The following SRGAP1 variants were observed in gnomAD, a reference collection of about 807,000 sequenced individuals.
SRGAP1 encodes the protein SLIT-ROBO Rho GTPase-activating protein 1.
In SRGAP1, 43 loss-of-function variants were observed where a neutral mutation model predicts 121.9. That is an observed-to-expected ratio of 0.35 (90% CI 0.28 to 0.46). The LOEUF (loss-of-function observed/expected upper bound fraction) is 0.46, where lower values mean the gene tolerates loss of function less well. SRGAP1 is among the 20% of genes least tolerant of loss of function. The probability of loss-of-function intolerance (pLI) is 1.00; values close to 1 mark genes in which losing one functional copy is unlikely to be tolerated. For synonymous variants in SRGAP1, 447 were observed against 485.4 expected (o/e 0.92, Z 1.04); for missense variants, 1,102 against 1,350.9 (o/e 0.82, Z 2.89).
In SRGAP1 at chr12:63,947,289, C is replaced by T. The variant is rs143204838; in HGVS notation, c.68-36658C>T. Among the ~76,000 whole-genome samples the T allele has an allele frequency of 2.9e-3, 445 of 152,294 alleles. 3 individuals are homozygous for T. Among genetic ancestry groups the T allele is most frequent in the African/African-American group, 0.01 (424 of 41,564 alleles). On this transcript the variant is annotated intron_variant, in intron 1 of 21. Coordinates refer to ENST00000355086, the MANE Select transcript of SRGAP1 (RefSeq NM_020762.4). ...GAGTTACATTTGCCTTACTTCATCA[C>T]CAACATTTGGTATTGTGGGTCTTAA...
chr12:64,039,679 A>G lies in SRGAP1; in HGVS notation c.490-3111A>G, dbSNP rs111987626. On this transcript the variant is annotated intron_variant, in intron 4 of 21. Transcript: ENST00000355086. ...TGTGTGTACACCCTCTCATTTTAAG[A>G]TATAACTGGAACCAAGACCCAAATA... Among the ~76,000 whole-genome samples, 359 of 69,528 alleles carry G rather than the reference A, an allele frequency of 5.2e-3. 2 individuals carry two copies. The highest frequency in any genetic ancestry group is 0.014 in the African/African-American group (338 of 23,452). 45.6% of individuals were successfully genotyped at this position (69,528 alleles called of 152,430 possible). A position where few individuals can be genotyped will look rare whatever the true frequency, so the allele number is the denominator to read the frequency against.
At chr12:63,990,846 GTCTT>G (rs990310924) in intron 3 of SRGAP1, among the ~76,000 whole-genome samples, 2 of 152,178 alleles carry the variant, frequency 1.3e-5, no homozygotes, top group African/African-American at 2.4e-5. Context: ...TGTTAGCACA[GTCTT>G]TCTTAGTTCA....
chr12:64,130,091 C>T (rs1215069160), intron 21 of SRGAP1, among the ~76,000 whole-genome samples: 2 of 152,174 alleles, frequency 1.3e-5, no homozygotes, highest in Admixed American at 6.5e-5. Context: ...ATTGTAGTTT[C>T]CCATTGACCT....
rs1337860866 is a variant in SRGAP1, at chr12:63,884,423, A to G, written c.67+39540A>G. 3.3e-5 allele frequency among the ~76,000 whole-genome samples: 5 copies of G among 152,266 alleles called. No homozygotes were observed. In the East Asian group the frequency reaches 9.7e-4, roughly 29 times the overall value. ...TTTTAAATTGATGCATTGTAGTTATACATATTTATTGGGTACAATTTGATG... is the reference window on the plus strand; with the variant it reads ...TTTTAAATTGATGCATTGTAGTTATGCATATTTATTGGGTACAATTTGATG... On this transcript the variant is annotated intron_variant, in intron 1 of 21. Coordinates refer to ENST00000355086, the MANE Select transcript of SRGAP1 (RefSeq NM_020762.4).
At chr12:64,006,147 A>G (rs2034075262) in intron 3 of SRGAP1, among the ~76,000 whole-genome samples, 1 of 152,202 alleles carries the variant, frequency 6.6e-6, no homozygotes, top group South Asian at 2.1e-4. Flanking sequence ...GTGACATTTA[A>G]TCAAGCTCTT....
chr12:63,973,355 T>C (rs748538242), intron 1 of SRGAP1, among the ~76,000 whole-genome samples: 1 of 152,194 alleles, frequency 6.6e-6, no homozygotes, highest in Non-Finnish European at 1.5e-5. Flanking sequence ...CATTGTAAGT[T>C]TGCATCGTAG....
At chr12:64,026,114 CA>C (rs2034648349) in intron 4 of SRGAP1, among the ~76,000 whole-genome samples, 1 of 151,548 alleles carries the variant, frequency 6.6e-6, no homozygotes, top group African/African-American at 2.4e-5. Context: ...ATATGAACCC[CA>C]ATGTAATTAT....
rs1019554401 is a variant in SRGAP1 at position 64,095,224 on chromosome 12, T to C, written c.1678+20T>C. 1 of 1,607,572 alleles carries C rather than the reference T, an allele frequency of 6.2e-7. No individual in the cohort carries two copies. On this transcript the variant is annotated intron_variant, in intron 14 of 21. Coordinates refer to ENST00000355086, the MANE Select transcript of SRGAP1 (RefSeq NM_020762.4). ...AGAGAGGTAATTGCACGTCTATCCC[T>C]ATAAGCAAACCACGTTGAAAAGTCA...
chr12:63,853,107 T>A (rs1899128949), intron 1 of SRGAP1, among the ~76,000 whole-genome samples: 1 of 151,336 alleles, frequency 6.6e-6, no homozygotes, highest in Admixed American at 6.6e-5. Context: ...GCAACCTCCG[T>A]TTCCTGGGTT....
At chr12:64,102,282 G>T (rs977351068) in intron 15 of SRGAP1, among the ~76,000 whole-genome samples, 1 of 152,180 alleles carries the variant, frequency 6.6e-6, no homozygotes, top group African/African-American at 2.4e-5. Context: ...TATCACTGTA[G>T]AAAAATTATA....
At chr12:64,042,102 G>A (rs1354522991) in intron 4 of SRGAP1, among the ~76,000 whole-genome samples, 2 of 151,680 alleles carry the variant, frequency 1.3e-5, no homozygotes, top group Non-Finnish European at 2.9e-5. Flanking sequence ...TCACCATGTT[G>A]GCCAGGCTAG....
At chr12:64,022,573 C>T (rs767420900) in intron 4 of SRGAP1, among the ~76,000 whole-genome samples, 7 of 152,094 alleles carry the variant, frequency 4.6e-5, no homozygotes, top group Non-Finnish European at 8.8e-5. Flanking sequence ...ATCTGGGCAC[C>T]CCACGGCCTA....
chr12:64,077,694 A>G (rs1283749092), intron 8 of SRGAP1, among the ~76,000 whole-genome samples: 5 of 152,090 alleles, frequency 3.3e-5, no homozygotes, highest in African/African-American at 9.6e-5. Context: ...AACATAAAGC[A>G]GTATCTTTAT....
intron 10 of SRGAP1, 176 bp downstream of exon 10, chr12:64,080,546 T>G (rs1195709795): frequency 1.4e-6 from 1 of 697,220 alleles, no homozygotes; most frequent in African/African-American, 1.8e-5. Flanking sequence ...GATTTTCTTC[T>G]AAAGCATGGT....
Position 64,148,929 on chromosome 12 carries a change from CATCTT to C in SRGAP1, c.*6259_*6263del, listed in dbSNP as rs2037090453. The C allele has an allele frequency of 1.3e-5, 2 of 152,138 alleles. No homozygotes were observed. The highest frequency in any genetic ancestry group is 1.9e-4 in the East Asian group (1 of 5,176). 9.4% of individuals were successfully genotyped at this position (152,138 alleles called of 1,614,324 possible). ...CACACCATGGTGTAGTTTTGCCTGT[CATCTT>C]AGCTTTCTATAAATGGGTTCATACA... On this transcript the variant is annotated 3_prime_UTR_variant, in exon 22 of 22. Transcript: ENST00000355086.
intron 1 of SRGAP1, among the ~76,000 whole-genome samples, chr12:63,913,451 CCA>C (rs1444329764): frequency 3.4e-4 from 28 of 82,654 alleles, no homozygotes; most frequent in Non-Finnish European, 5.5e-4. Context: ...GTCACTGTGT[CCA>C]CATATATATA....
Position 64,063,016 on chromosome 12 carries a change from A to T in SRGAP1, c.901A>T (p.Ile301Phe), listed in dbSNP as rs1565663365. Residue 301 changes from isoleucine to phenylalanine, a missense_variant, in exon 7 of 22, where the codon ATT (isoleucine) becomes TTT (phenylalanine). Physicochemically the swap from Ile to Phe is conservative, Grantham distance 21. Around this residue, in one of 3 missense-constraint regions of SRGAP1, gnomAD observed 747 missense variants for 929.4 expected, o/e 0.80. Transcript: ENST00000355086. ...LETSRHEGLDIIENAVDNLEP... is the reference protein window; with the variant it reads ...LETSRHEGLDFIENAVDNLEP... The stretch of plus-strand genomic sequence containing the variant: ...AACCTCCAGACATGAGGGCTTAGAC[A>T]TTATTGAGAATGCAGTTGATAATTT... 1.2e-6 allele frequency: 2 copies of T among 1,614,100 alleles called. No individual in the cohort carries two copies. The highest frequency in any genetic ancestry group is 1.7e-5 in the Admixed American group (1 of 60,008).
intron 21 of SRGAP1, among the ~76,000 whole-genome samples, chr12:64,137,961 A>T (rs184887876): frequency 0.066 from 9,160 of 139,568 alleles, 456 homozygotes; most frequent in African/African-American, 0.15. Flanking sequence ...TTAAAAAAAA[A>T]ATATATATAT....
intron 3 of SRGAP1, among the ~76,000 whole-genome samples, chr12:63,997,481 T>C (rs1206325553): frequency 6.6e-6 from 1 of 152,148 alleles, no homozygotes; most frequent in Non-Finnish European, 1.5e-5. Flanking sequence ...CAAGGAATGC[T>C]TGAAAACTTA....
Sources: allele counts gnomAD v4.1 joint callset (sites outside exome capture counted in the v4.1 genomes callset), GRCh38; gene constraint gnomAD v4.1.1; regional missense constraint gnomAD v4.1.1; transcripts MANE v1.5; gene names NCBI Gene and HGNC (gene_info 2026-07-23, HGNC 2026-07-21).